Variants in SLC10A2 observed in about 807,000 individuals in gnomAD.
The protein encoded by SLC10A2 is ileal sodium/bile acid cotransporter.
A neutral mutation model predicts 27.1 loss-of-function variants in SLC10A2; 34 were observed. That is an observed-to-expected ratio of 1.26 (90% CI 0.96 to 1.67). The LOEUF (loss-of-function observed/expected upper bound fraction) is 1.67. Ranked by LOEUF, SLC10A2 falls within the 40% of genes most tolerant of loss-of-function variation. The pLI is 0.00. For synonymous variants in SLC10A2, 205 were observed against 174.0 expected, an observed-to-expected ratio of 1.18 and a Z score of -1.40; for missense variants, 530 against 444.4, an observed-to-expected ratio of 1.19 and a Z score of -1.73.
chr13:103,048,254 G>T (rs765868300), intron 5 of SLC10A2, among the ~76,000 whole-genome samples: 3 of 152,002 alleles, frequency 2.0e-5, no homozygotes, highest in African/African-American at 4.8e-5. Flanking sequence ...AGCCTGTCAT[G>T]GTGGCGGGCA....
intron 5 of SLC10A2, among the ~76,000 whole-genome samples, chr13:103,047,807 T>C (rs1875654946): frequency 6.6e-6 from 1 of 152,080 alleles, no homozygotes; most frequent in Non-Finnish European, 1.5e-5. Context: ...GTGCATTACT[T>C]AATTGTTCTA....
At position 103,046,462 on chromosome 13, in the gene SLC10A2, A is replaced by G. The variant is rs982423522; in HGVS notation, c.920-202T>C. On this transcript the variant is annotated intron_variant, in intron 5 of 5. Transcript: ENST00000245312. Reference sequence around the variant, plus strand: ...TGACTGCACTTCAGGAAGACCTAGCATAAATCTTTAGGAGACATTTGCTCA... The same window carrying G: ...TGACTGCACTTCAGGAAGACCTAGCGTAAATCTTTAGGAGACATTTGCTCA... Among the ~76,000 whole-genome samples the G allele has an allele frequency of 3.9e-5, 6 of 152,298 alleles. No individual in the cohort carries two copies. In the East Asian group the frequency reaches 1.2e-3, roughly 29 times the overall value.
chr13:103,053,116 G>A lies in SLC10A2; in HGVS notation c.497-408C>T, dbSNP rs916557930. On this transcript the variant is annotated intron_variant, in intron 2 of 5. Transcript: ENST00000245312. Reference sequence around the variant, plus strand: ...TGTGTGTGTGTGTGTGTGTGTGTGTGTGTGTGTGTGTATGGCATACAAAGA... The same window carrying A: ...TGTGTGTGTGTGTGTGTGTGTGTGTATGTGTGTGTGTATGGCATACAAAGA... 4.7e-4 allele frequency among the ~76,000 whole-genome samples: 65 copies of A among 137,722 alleles called. 1 individual carries two copies. The highest frequency in any genetic ancestry group is 8.8e-4 in the Non-Finnish European group (57 of 64,546). 90.4% of individuals were successfully genotyped at this position (137,722 alleles called of 152,430 possible).
chr13:103,044,102 A>T lies in SLC10A2; in HGVS notation c.*2031T>A, dbSNP rs1231775017. 1 of 152,216 alleles carries T rather than the reference A, an allele frequency of 6.6e-6. No homozygotes were observed. The highest frequency in any genetic ancestry group is 2.4e-5 in the African/African-American group (1 of 41,472). The allele number at this position is 152,216 out of a possible 1,614,324, so 9.4% of individuals were successfully genotyped here. On this transcript the variant is annotated 3_prime_UTR_variant, in exon 6 of 6. Coordinates refer to ENST00000245312, the MANE Select transcript of SLC10A2 (RefSeq NM_000452.3). ...ATAATTTAATCGACTTTTCAAATTC[A>T]TTTAAAAATAGAGAGCTATCATTTT...
intron 2 of SLC10A2, among the ~76,000 whole-genome samples, chr13:103,057,691 C>A (rs1203025621): frequency 1.3e-5 from 2 of 152,030 alleles, no homozygotes; most frequent in African/African-American, 4.8e-5. Context: ...CCAGCCTGAC[C>A]AACATGGAGA....
chr13:103,046,999 T>C (rs1310687819), intron 5 of SLC10A2, among the ~76,000 whole-genome samples: 1 of 152,238 alleles, frequency 6.6e-6, no homozygotes, highest in Non-Finnish European at 1.5e-5. Flanking sequence ...AGTGCTATTC[T>C]GTTATCTGAA....
chr13:103,049,146 C>A (rs1281485262), intron 5 of SLC10A2, 143 bp downstream of exon 5: 5 of 814,230 alleles, frequency 6.1e-6, no homozygotes, highest in Non-Finnish European at 1.0e-5. Context: ...ATTGGAAAGT[C>A]ATGATAATAT....
chr13:103,047,809 A>G (rs183646819), intron 5 of SLC10A2, among the ~76,000 whole-genome samples: 2 of 152,042 alleles, frequency 1.3e-5, no homozygotes, highest in South Asian at 2.1e-4. Context: ...GCATTACTTA[A>G]TTGTTCTATC....
At chr13:103,047,609 T>G (rs1262676666) in intron 5 of SLC10A2, among the ~76,000 whole-genome samples, 2 of 147,278 alleles carry the variant, frequency 1.4e-5, no homozygotes, top group African/African-American at 2.5e-5. Flanking sequence ...AAAAAAAAAT[T>G]TAGAATCCTA....
chr13:103,066,085 G>C lies in SLC10A2; in HGVS notation c.165C>G (p.Ile55Met), dbSNP rs751715982. 5.0e-6 allele frequency: 8 copies of C among 1,614,102 alleles called. No homozygotes were observed. The highest frequency in any genetic ancestry group is 1.1e-5 in the South Asian group (1 of 91,078). Residue 55 changes from isoleucine to methionine, a missense_variant, in exon 1 of 6, where the codon ATC becomes ATG. Ile to Met is a conservative substitution (Grantham distance 10). Transcript: ENST00000245312. ...VMFSMGCNVE[I>M]KKFLGHIKRP... ...GCTTTATGTGCCCTAGAAATTTCTT[G>C]ATTTCCACGTTGCATCCCATGGAGA...
chr13:103,044,229 C>T lies in SLC10A2; in HGVS notation c.*1904G>A, dbSNP rs1279013860. On this transcript the variant is annotated 3_prime_UTR_variant, in exon 6 of 6. Coordinates refer to ENST00000245312, the MANE Select transcript of SLC10A2 (RefSeq NM_000452.3). ...GAAAGCCAAGTCCTATCTTGCTCACCTGTCTTGCTCAACAGGGAGGAAAAA... is the reference window on the plus strand; with the variant it reads ...GAAAGCCAAGTCCTATCTTGCTCACTTGTCTTGCTCAACAGGGAGGAAAAA... 2 of 152,184 alleles carry T rather than the reference C, an allele frequency of 1.3e-5. No individual in the cohort carries two copies. Among genetic ancestry groups the T allele is most frequent in the Non-Finnish European group, 2.9e-5 (2 of 68,038 alleles). 9.4% of individuals were successfully genotyped at this position (152,184 alleles called of 1,614,324 possible). A position where few individuals can be genotyped will look rare whatever the true frequency, so the allele number is the denominator to read the frequency against.
chr13:103,046,478 C>T (rs1875614425), intron 5 of SLC10A2, among the ~76,000 whole-genome samples: 1 of 152,150 alleles, frequency 6.6e-6, no homozygotes, highest in Non-Finnish European at 1.5e-5. Context: ...CTTTAGGAGA[C>T]ATTTGCTCAG....
At chr13:103,048,084 AAGTTGAAG>A (rs1415480928) in intron 5 of SLC10A2, among the ~76,000 whole-genome samples, 3 of 152,180 alleles carry the variant, frequency 2.0e-5, no homozygotes, top group Non-Finnish European at 4.4e-5. Context: ...ATCACAGGGC[AAGTTGAAG>A]AGCTGATGAA....
rs1007212035 is a variant in SLC10A2 at position 103,044,426 on chromosome 13, T to A, written c.*1707A>T. The A allele has an allele frequency of 6.6e-6, 1 of 152,168 alleles. No homozygotes were observed. The highest frequency in any genetic ancestry group is 1.5e-5 in the Non-Finnish European group (1 of 68,038). The allele number at this position is 152,168 out of a possible 1,614,324, so 9.4% of individuals were successfully genotyped here. ...ATCTTCCTTTCCACCATTGGGAGCA[T>A]ATTCTCTGACACTCTCTAAGAAGGA... On this transcript the variant is annotated 3_prime_UTR_variant, in exon 6 of 6. Coordinates refer to ENST00000245312, the MANE Select transcript of SLC10A2 (RefSeq NM_000452.3).
intron 1 of SLC10A2, among the ~76,000 whole-genome samples, chr13:103,060,655 C>A (rs1033453359): frequency 1.3e-5 from 2 of 151,990 alleles, no homozygotes; most frequent in Admixed American, 6.6e-5. Context: ...GGATTACAGG[C>A]GGGAGCCACC....
rs1224015733 is a variant in SLC10A2 at position 103,066,343 on chromosome 13, T to C, written c.-94A>G. The C allele has an allele frequency of 4.9e-6, 7 of 1,416,246 alleles. No individual in the cohort carries two copies. The highest frequency in any genetic ancestry group is 6.6e-6 in the Non-Finnish European group (7 of 1,062,208). 87.7% of individuals were successfully genotyped at this position (1,416,246 alleles called of 1,614,324 possible). A position where few individuals can be genotyped will look rare whatever the true frequency, so the allele number is the denominator to read the frequency against. On this transcript the variant is annotated 5_prime_UTR_variant, in exon 1 of 6. It removes the in-frame stop codon of an upstream open reading frame in the 5' UTR. Coordinates refer to ENST00000245312, the MANE Select transcript of SLC10A2 (RefSeq NM_000452.3). The stretch of plus-strand genomic sequence containing the variant: ...GGTTGAGTTAAGCAACGTTTACTTC[T>C]ACCCCATCAAACTTTTAAACCCCTC...
chr13:103,060,379 C>T (rs1876075868), intron 1 of SLC10A2, among the ~76,000 whole-genome samples: 1 of 115,940 alleles, frequency 8.6e-6, no homozygotes, highest in Admixed American at 1.1e-4. Context: ...GTTGCTACTA[C>T]CATTTTTTTT....
chr13:103,066,211 A>G lies in SLC10A2; in HGVS notation c.39T>C (p.Val13=), dbSNP rs201994393. The G allele has an allele frequency of 5.6e-6, 9 of 1,613,798 alleles. No homozygotes were observed. The highest frequency in any genetic ancestry group is 3.3e-5 in the Admixed American group (2 of 60,012). ...GTACCACACAGGATGCACCAGAGCA[A>G]ACTGTTGCATTGTCCACACAGCTGT... ...DPNSCVDNAT[V]CSGASCVVPE... is the part of the protein sequence containing the mutation. Residue 13 remains valine, a synonymous_variant, in exon 1 of 6, where the codon GTT becomes GTC. Transcript: ENST00000245312.
intron 4 of SLC10A2, among the ~76,000 whole-genome samples, chr13:103,049,648 T>C (rs1430370475): frequency 6.6e-6 from 1 of 152,054 alleles, no homozygotes; most frequent in Non-Finnish European, 1.5e-5. Context: ...TCTCACCTAT[T>C]GTATATAATA....
Sources: gnomAD v4.1 joint callset for allele counts (sites outside exome capture counted in the v4.1 genomes callset) on GRCh38, gnomAD v4.1.1 for gene constraint, MANE v1.5 for transcripts, NCBI Gene and HGNC (gene_info 2026-07-23, HGNC 2026-07-21) for gene names.